Variants in BCL11B observed in about 807,000 individuals in gnomAD.
The protein encoded by BCL11B is B-cell lymphoma/leukemia 11B.
BCL11B carries 8 observed loss-of-function variants against 49.9 expected under a neutral mutation model. That is an observed-to-expected ratio of 0.16 (90% CI 0.09 to 0.29). The LOEUF (loss-of-function observed/expected upper bound fraction) is 0.29, where lower values mean the gene tolerates loss of function less well. Among genes scored for constraint, BCL11B ranks in the 10% least tolerant of loss-of-function variants. BCL11B has a pLI of 1.00. For missense variants in BCL11B, 1,006 were observed against 1,351.0 expected, an observed-to-expected ratio of 0.74 and a Z score of 4.00; for synonymous variants, 739 against 637.4, an observed-to-expected ratio of 1.16 and a Z score of -2.40.
intron 2 of BCL11B, among the ~76,000 whole-genome samples, chr14:99,249,323 G>A (rs1888933767): frequency 6.6e-6 from 1 of 152,172 alleles, no homozygotes; most frequent in Admixed American, 6.5e-5. Context: ...TGGGGTACAT[G>A]TGCAGGGTGT....
At chr14:99,202,807 G>T (rs549610418) in intron 3 of BCL11B, among the ~76,000 whole-genome samples, 1 of 152,316 alleles carries the variant, frequency 6.6e-6, no homozygotes, top group East Asian at 1.9e-4. Context: ...CAAGCCTGGG[G>T]TCTCATGCAG....
intron 3 of BCL11B, among the ~76,000 whole-genome samples, chr14:99,200,832 G>T (rs1395634429): frequency 1.3e-5 from 2 of 152,182 alleles, no homozygotes; most frequent in Non-Finnish European, 1.5e-5. Flanking sequence ...GGGGCCTGGA[G>T]CCCTCCCCCG....
At position 99,271,180 on chromosome 14, in the gene BCL11B, G is replaced by A. The variant is rs1260347761; in HGVS notation, c.39C>T (p.Ser13=). ...ACTTACGGGTGATGAGCTCCCTCTGGGACAAGTGCTGCGGGTTGCCCTGTT... is the reference window on the plus strand; with the variant it reads ...ACTTACGGGTGATGAGCTCCCTCTGAGACAAGTGCTGCGGGTTGCCCTGTT... ...RRKQGNPQHL[S]QRELITPEAD... Residue 13 remains serine (S), a synonymous_variant, in exon 1 of 4, where the codon TCC becomes TCT. Coordinates refer to ENST00000357195, the MANE Select transcript of BCL11B (RefSeq NM_138576.4). 3.9e-6 allele frequency: 6 copies of A among 1,550,498 alleles called. No individual in the cohort carries two copies. The highest frequency in any genetic ancestry group is 4.3e-6 in the Non-Finnish European group (5 of 1,154,214).
intron 3 of BCL11B, among the ~76,000 whole-genome samples, chr14:99,179,453 G>A (rs1023991927): frequency 3.2e-5 from 4 of 123,748 alleles, no homozygotes; most frequent in Admixed American, 1.0e-4. Flanking sequence ...CAGCCTGGGC[G>A]ACAGAATGAG....
rs1404862541 is a variant in BCL11B, at chr14:99,242,921, T to C, written c.428-11364A>G. 3.3e-5 allele frequency among the ~76,000 whole-genome samples: 5 copies of C among 152,184 alleles called. No homozygotes were observed. The highest frequency in any genetic ancestry group is 7.3e-5 in the Non-Finnish European group (5 of 68,032). ...GCTCCATGGGGATAAGTGCCAATTTTTGTTAGCTCTGAGAGGCGGTGAGAA... is the reference window on the plus strand; with the variant it reads ...GCTCCATGGGGATAAGTGCCAATTTCTGTTAGCTCTGAGAGGCGGTGAGAA... On this transcript the variant is annotated intron_variant, in intron 2 of 3. Transcript: ENST00000357195. The surrounding 1 kb of genome is among the most constrained non-coding windows in gnomAD (Gnocchi z 4.4).
intron 3 of BCL11B, among the ~76,000 whole-genome samples, chr14:99,191,992 A>G (rs1887045097): frequency 6.6e-6 from 1 of 152,206 alleles, no homozygotes; most frequent in Non-Finnish European, 1.5e-5. Context: ...TTTTTTTAAA[A>G]AACACGATCC....
At chr14:99,229,062 GGATGGATGGATGGATGGATGGATGGATA>G in intron 3 of BCL11B, among the ~76,000 whole-genome samples, 1 of 148,462 alleles carries the variant, frequency 6.7e-6, no homozygotes, top group African/African-American at 2.6e-5. Context: ...ATGGATGGAT[GGATGGATGGATGGATGGATGGATGGATA>G]GATGGATGGA....
Position 99,257,740 on chromosome 14 carries a change from G to C in BCL11B, c.158C>G (p.Pro53Arg), listed in dbSNP as rs535731167. 1.2e-6 allele frequency: 2 copies of C among 1,609,926 alleles called. No individual in the cohort carries two copies. The highest frequency in any genetic ancestry group is 2.7e-5 in the African/African-American group (2 of 74,952). ...GLGLMVGGPD[P>R]DLLTCGQCQM... is the part of the protein sequence containing the mutation. ...ACACTGGCCACAGGTGAGCAGGTCA[G>C]GGTCGGGGCCACCCACCATCAGCCC... The change falls in exon 2 of 4, where the codon CCT becomes CGT. Residue 53 changes from proline (P) to arginine (R), a missense_variant. Pro to Arg is a moderately radical substitution (Grantham distance 103). Coordinates refer to ENST00000357195, the MANE Select transcript of BCL11B (RefSeq NM_138576.4). This position sits in a 1 kb window ranked among gnomAD's most constrained non-coding sequence, Gnocchi z 6.2.
chr14:99,185,850 C>T (rs1357342138), intron 3 of BCL11B, among the ~76,000 whole-genome samples: 1 of 152,214 alleles, frequency 6.6e-6, no homozygotes, highest in African/African-American at 2.4e-5. Context: ...GACCCAAGAC[C>T]TCACCGCATC....
chr14:99,219,282 C>T (rs1004151150), intron 3 of BCL11B, among the ~76,000 whole-genome samples: 54 of 152,276 alleles, frequency 3.5e-4, no homozygotes, highest in African/African-American at 1.2e-3. Flanking sequence ...GATCCACCCA[C>T]CTCAGCCTCC....
Position 99,195,966 on chromosome 14 carries a change from G to A in BCL11B, c.641-19771C>T, listed in dbSNP as rs911660113. 6.6e-6 allele frequency among the ~76,000 whole-genome samples: 1 copy of A among 152,110 alleles called. No homozygotes were observed. Among genetic ancestry groups the A allele is most frequent in the Non-Finnish European group, 1.5e-5 (1 of 68,028 alleles). ...CTAGATAAATATCTGGAAAGAAGTC[G>A]GGAAACAATTAAAACTAGAAGCTAA... On this transcript the variant is annotated intron_variant, in intron 3 of 3. Transcript: ENST00000357195. The surrounding 1 kb of genome is among the most constrained non-coding windows in gnomAD (Gnocchi z 4.7).
intron 3 of BCL11B, among the ~76,000 whole-genome samples, chr14:99,218,274 G>T (rs1257256783): frequency 1.4e-5 from 2 of 146,688 alleles, no homozygotes; most frequent in African/African-American, 5.0e-5. Flanking sequence ...TAGAGACAGG[G>T]TTTCACCATG....
At chr14:99,216,985 C>G (rs1044293564) in intron 3 of BCL11B, among the ~76,000 whole-genome samples, 2 of 152,062 alleles carry the variant, frequency 1.3e-5, no homozygotes, top group African/African-American at 4.8e-5. Flanking sequence ...CACACAAATA[C>G]GCGTGTATGT....
At chr14:99,243,918 TAAAAA>T (rs200999902) in intron 2 of BCL11B, among the ~76,000 whole-genome samples, 15 of 128,144 alleles carry the variant, frequency 1.2e-4, no homozygotes, top group Admixed American at 2.3e-4. Flanking sequence ...ACATTGCTCC[TAAAAA>T]AAAAAAAAAA....
At chr14:99,253,461 C>T (rs928136442) in intron 2 of BCL11B, among the ~76,000 whole-genome samples, 4 of 152,176 alleles carry the variant, frequency 2.6e-5, no homozygotes, top group Non-Finnish European at 4.4e-5. Flanking sequence ...GAGGGAAAGC[C>T]GAGCGCCAGG....
At chr14:99,233,882 G>A (rs572994512) in intron 2 of BCL11B, among the ~76,000 whole-genome samples, 21 of 152,274 alleles carry the variant, frequency 1.4e-4, no homozygotes, top group Non-Finnish European at 1.8e-4. Flanking sequence ...CTGAGGCAGG[G>A]GAGGGGGGCA....
At chr14:99,187,533 G>A (rs892501378) in intron 3 of BCL11B, among the ~76,000 whole-genome samples, 3 of 152,078 alleles carry the variant, frequency 2.0e-5, no homozygotes, top group Non-Finnish European at 4.4e-5. Flanking sequence ...CGCCCAACAT[G>A]AGAGTTTTCT....
At chr14:99,206,466 A>G (rs575373759) in intron 3 of BCL11B, among the ~76,000 whole-genome samples, 1 of 152,330 alleles carries the variant, frequency 6.6e-6, no homozygotes, top group African/African-American at 2.4e-5. Context: ...CACTCCAAGT[A>G]GTGTGATGAG....
At chr14:99,211,518 G>A (rs972268724) in intron 3 of BCL11B, among the ~76,000 whole-genome samples, 1 of 152,218 alleles carries the variant, frequency 6.6e-6, no homozygotes, top group African/African-American at 2.4e-5. Flanking sequence ...GCACACACAT[G>A]CACACTCACA....
Sources: gnomAD v4.1 joint callset for allele counts (sites outside exome capture counted in the v4.1 genomes callset) on GRCh38, gnomAD v4.1.1 for gene constraint, Gnocchi (gnomAD v3.1) non-coding constraint, MANE v1.5 for transcripts, NCBI Gene and HGNC (gene_info 2026-07-23, HGNC 2026-07-21) for gene names.